Variants in USH2A observed in about 807,000 individuals in gnomAD.
The protein encoded by USH2A is Usher syndrome 2A (autosomal recessive, mild).
A neutral mutation model predicts 538.9 loss-of-function variants in USH2A; 443 were observed. The ratio of observed to expected loss-of-function variants is 0.82; its 90% confidence interval spans 0.76 to 0.89. USH2A has a LOEUF of 0.89. Ranked by LOEUF, USH2A falls within the 40% of genes least tolerant of loss-of-function variation. The pLI is 0.00. For missense variants in USH2A, 6,633 were observed against 6,324.8 expected (o/e 1.05, Z -1.65); for synonymous variants, 2,413 against 2,273.5 (o/e 1.06, Z -1.75).
In USH2A at chr1:215,996,577, T is replaced by G. The variant is rs1249474892; in HGVS notation, c.6657+2310A>C. Among the ~76,000 whole-genome samples the G allele has an allele frequency of 8.2e-4, 113 of 137,610 alleles. 1 individual carries two copies. Among genetic ancestry groups the G allele is most frequent in the African/African-American group, 2.7e-3 (100 of 36,568 alleles). 90.3% of individuals were successfully genotyped at this position (137,610 alleles called of 152,430 possible). On this transcript the variant is annotated intron_variant, in intron 34 of 71. Coordinates refer to ENST00000307340, the MANE Select transcript of USH2A (RefSeq NM_206933.4). ...CATATTATGTTTTTTTTTTTTTTTT[T>G]TTTTTTTTTTTTTTTTTTGCAGTGG...
intron 29 of USH2A, among the ~76,000 whole-genome samples, chr1:216,072,267 G>A (rs1049324363): frequency 2.0e-5 from 3 of 152,278 alleles, no homozygotes; most frequent in Admixed American, 1.3e-4. Flanking sequence ...AGATTTTGTG[G>A]CCAGTCAGAA....
chr1:216,283,767 T>C (rs2036830442), intron 11 of USH2A, among the ~76,000 whole-genome samples: 1 of 152,186 alleles, frequency 6.6e-6, no homozygotes, highest in African/African-American at 2.4e-5. Context: ...TTTTGACTTA[T>C]GTATTTATTT....
chr1:216,029,176 T>A (rs2102509122), intron 32 of USH2A, among the ~76,000 whole-genome samples: 1 of 152,224 alleles, frequency 6.6e-6, no homozygotes, highest in Admixed American at 6.5e-5. Context: ...ATTAAGACTC[T>A]CTCCACCTTT....
At chr1:215,653,281 A>C (rs1657138178) in intron 64 of USH2A, among the ~76,000 whole-genome samples, 1 of 152,176 alleles carries the variant, frequency 6.6e-6, no homozygotes, top group African/African-American at 2.4e-5. Flanking sequence ...GTGTTTTGCT[A>C]TATTTCCTTG....
At chr1:216,010,309 G>A (rs1668528077) in intron 32 of USH2A, among the ~76,000 whole-genome samples, 3 of 152,174 alleles carry the variant, frequency 2.0e-5, no homozygotes, top group Non-Finnish European at 2.9e-5. Flanking sequence ...CACCAGGCCA[G>A]GGAATTCCTG....
intron 27 of USH2A, among the ~76,000 whole-genome samples, chr1:216,075,852 TA>T (rs1262287274): frequency 1.3e-5 from 1 of 78,600 alleles, no homozygotes; most frequent in African/African-American, 5.5e-5. Context: ...GCAACGTTAG[TA>T]GATTAAAAAA....
chr1:216,233,212 C>A (rs902500798), intron 13 of USH2A, among the ~76,000 whole-genome samples: 19 of 152,200 alleles, frequency 1.2e-4, no homozygotes, highest in Middle Eastern at 6.8e-3. Flanking sequence ...ATGGCTCATC[C>A]CCCCGCTCAG....
chr1:216,215,964 G>T (rs1342482012), intron 15 of USH2A, among the ~76,000 whole-genome samples: 1 of 152,008 alleles, frequency 6.6e-6, no homozygotes, highest in Non-Finnish European at 1.5e-5. Flanking sequence ...ATGCAAGAAG[G>T]AATAGGTAGC....
intron 18 of USH2A, among the ~76,000 whole-genome samples, chr1:216,197,459 T>C (rs2034877102): frequency 6.6e-6 from 1 of 152,272 alleles, no homozygotes; most frequent in Non-Finnish European, 1.5e-5. Flanking sequence ...ATGCCATGCC[T>C]CATCACTTGT....
intron 41 of USH2A, 26 bp from the exon 42 acceptor site, chr1:215,879,124 C>T (rs1216408750): frequency 6.3e-7 from 1 of 1,593,268 alleles, no homozygotes; most frequent in African/African-American, 1.3e-5. Context: ...AACTTAGAAT[C>T]AGTGTGACGA....
intron 55 of USH2A, among the ~76,000 whole-genome samples, chr1:215,768,705 A>T (rs72740663): frequency 0.029 from 4,340 of 152,266 alleles, 83 homozygotes; most frequent in South Asian, 0.046. Flanking sequence ...CAAGAATGAA[A>T]CTCAGAGGTT....
At chr1:215,628,281 G>A (rs903918253) in intron 71 of USH2A, among the ~76,000 whole-genome samples, 34 of 151,880 alleles carry the variant, frequency 2.2e-4, no homozygotes, top group Admixed American at 1.3e-4. Context: ...TAACCTGTTT[G>A]CTGCTTATTT....
chr1:215,844,080 C>T (rs1330312205), intron 46 of USH2A, among the ~76,000 whole-genome samples: 2 of 152,240 alleles, frequency 1.3e-5, no homozygotes, highest in South Asian at 2.1e-4. Context: ...TCATCACCAT[C>T]GTTTTCCATA....
rs79341918 is a variant in USH2A, at chr1:215,634,402, A to G, written c.15297+57T>C. The G allele has an allele frequency of 0.012, 19,338 of 1,613,258 alleles. 167 individuals are homozygous for G. The highest frequency in any genetic ancestry group is 0.014 in the Non-Finnish European group (16,231 of 1,179,766). On this transcript the variant is annotated intron_variant, in intron 70 of 71. Coordinates refer to ENST00000307340, the MANE Select transcript of USH2A (RefSeq NM_206933.4). ...GCTATGACACATTTTTCTCAGAAGG[A>G]AAACAAGTATTCTAGTCCAGTGATA...
intron 13 of USH2A, among the ~76,000 whole-genome samples, chr1:216,233,269 T>A (rs2035737602): frequency 6.6e-6 from 1 of 151,972 alleles, no homozygotes; most frequent in Non-Finnish European, 1.5e-5. Flanking sequence ...TAAAGGCCTT[T>A]TCATGGGCCG....
At chr1:216,393,116 G>C (rs2039138737) in intron 3 of USH2A, among the ~76,000 whole-genome samples, 1 of 152,100 alleles carries the variant, frequency 6.6e-6, no homozygotes, top group Admixed American at 6.5e-5. Context: ...GACCATAAAG[G>C]TTCTTTTCAA....
intron 7 of USH2A, 56 bp downstream of exon 7, chr1:216,324,112 G>T: frequency 6.4e-7 from 1 of 1,567,438 alleles, no homozygotes; most frequent in South Asian, 1.1e-5. Flanking sequence ...TAGCATACTT[G>T]TACATTATTA....
chr1:215,799,170 TA>T lies in USH2A; in HGVS notation c.9740-46del, dbSNP rs764007474. The T allele has an allele frequency of 1.9e-5, 29 of 1,551,702 alleles. No individual in the cohort carries two copies. In the African/African-American group the frequency reaches 3.5e-4, roughly 19 times the overall value. ...ATAATCATTACATCAGTTAAAAAAA[TA>T]TGCTATGACTAACAATTAACTTTTA... On this transcript the variant is annotated intron_variant, in intron 49 of 71. Coordinates refer to ENST00000307340, the MANE Select transcript of USH2A (RefSeq NM_206933.4).
At chr1:216,374,270 A>C (rs1281231503) in intron 3 of USH2A, among the ~76,000 whole-genome samples, 1 of 133,406 alleles carries the variant, frequency 7.5e-6, no homozygotes, top group East Asian at 2.5e-4. Context: ...AAAATAAAAT[A>C]AAAAAGCAGT....
Sources: allele counts gnomAD v4.1 joint callset (sites outside exome capture counted in the v4.1 genomes callset), GRCh38; gene constraint gnomAD v4.1.1; transcripts MANE v1.5; gene names NCBI Gene and HGNC (gene_info 2026-07-23, HGNC 2026-07-21).